NEURL1: variants seen among roughly 807,000 people sequenced by gnomAD.
NEURL1 encodes E3 ubiquitin-protein ligase NEURL1.
Under a neutral mutation model 41.2 loss-of-function variants are expected in NEURL1, and 26 were observed. The observed-to-expected ratio is 0.63, with a 90% CI of 0.46 to 0.87. The LOEUF is 0.87. NEURL1 is among the 40% of genes least tolerant of loss of function. The probability of loss-of-function intolerance (pLI) is 0.00; values close to 1 mark genes in which losing one functional copy is unlikely to be tolerated. For missense variants in NEURL1, 761 were observed against 871.1 expected, an observed-to-expected ratio of 0.87 and a Z score of 1.59; for synonymous variants, 400 against 402.3, an observed-to-expected ratio of 0.99 and a Z score of 0.07.
At position 103,590,375 on chromosome 10, in the gene NEURL1, C is replaced by T. The variant is rs764171711; in HGVS notation, c.*3C>T. On this transcript the variant is annotated 3_prime_UTR_variant, in exon 6 of 6. Transcript: ENST00000369780. ...TCAAGACCTACCGCAGCTCCTAGCC[C>T]GTTGCGGTGGCCCATCCCGCATACC... 1.4e-5 allele frequency: 23 copies of T among 1,609,836 alleles called. No homozygotes were observed. The highest frequency in any genetic ancestry group is 6.7e-5 in the East Asian group (3 of 44,850).
intron 3 of NEURL1, among the ~76,000 whole-genome samples, chr10:103,572,534 G>T (rs1445097195): frequency 1.3e-5 from 2 of 152,260 alleles, no homozygotes; most frequent in Non-Finnish European, 2.9e-5. Context: ...GCCTCGGGAA[G>T]CAGCCTGGCA....
chr10:103,566,621 T>A lies in NEURL1; in HGVS notation c.86-4251T>A, dbSNP rs1192597504. Among the ~76,000 whole-genome samples the A allele has an allele frequency of 6.6e-6, 1 of 152,196 alleles. No homozygotes were observed. Among genetic ancestry groups the A allele is most frequent in the Non-Finnish European group, 1.5e-5 (1 of 68,034 alleles). Reference sequence around the variant, plus strand: ...CCAGCTGAAGGACGTTTGAGTTGTTTCTAGTTCAGGGTTATTATGAATAAA... The same window carrying A: ...CCAGCTGAAGGACGTTTGAGTTGTTACTAGTTCAGGGTTATTATGAATAAA... On this transcript the variant is annotated intron_variant, in intron 1 of 5. Transcript: ENST00000369780. The surrounding 1 kb of genome is among the most constrained non-coding windows in gnomAD (Gnocchi z 4.2).
chr10:103,589,666 T>G lies in NEURL1; in HGVS notation c.1486+6T>G, dbSNP rs2133887834. On this transcript the variant is annotated splice_donor_region_variant and intron_variant, in intron 5 of 5. Transcript: ENST00000369780. Reference sequence around the variant, plus strand: ...TCTGGGTAGCTCTGCTGGTGGTAAGTAGGCTGGCTCCTCTGTTCCTTGGTG... The same window carrying G: ...TCTGGGTAGCTCTGCTGGTGGTAAGGAGGCTGGCTCCTCTGTTCCTTGGTG... 6.2e-7 allele frequency: 1 copy of G among 1,605,978 alleles called. No individual in the cohort carries two copies. The highest frequency in any genetic ancestry group is 2.2e-5 in the East Asian group (1 of 44,702).
intron 1 of NEURL1, among the ~76,000 whole-genome samples, chr10:103,500,769 T>C (rs79268645): frequency 0.037 from 5,666 of 152,314 alleles, 90 homozygotes; most frequent in Non-Finnish European, 0.045. Context: ...GCATCAGCAT[T>C]AGCTGGAAGC....
rs376571098 is a variant in NEURL1 at position 103,588,581 on chromosome 10, T to C, written c.1340-933T>C. 418 of 331,188 alleles carry C rather than the reference T, an allele frequency of 1.3e-3. 1 individual carries two copies. The highest frequency in any genetic ancestry group is 5.2e-3 in the African/African-American group (234 of 45,222). The allele number at this position is 331,188 out of a possible 1,614,324, so 20.5% of individuals were successfully genotyped here. A position where few individuals can be genotyped will look rare whatever the true frequency, so the allele number is the denominator to read the frequency against. ...TGTCTGCACGGGGCCTGATGCCTGG[T>C]AGGTCCTTGGTAAGGATTTGTTGAA... is the stretch of plus-strand genomic sequence containing the variant. On this transcript the variant is annotated intron_variant, in intron 4 of 5. Coordinates refer to ENST00000369780, the MANE Select transcript of NEURL1 (RefSeq NM_004210.5).
chr10:103,573,310 C>T (rs530914413), intron 3 of NEURL1, among the ~76,000 whole-genome samples: 74 of 152,198 alleles, frequency 4.9e-4, no homozygotes, highest in Non-Finnish European at 6.9e-4. Context: ...TGCCTGCAGC[C>T]GGGGGCAGAA....
At chr10:103,498,188 G>A (rs1264819361) in intron 1 of NEURL1, among the ~76,000 whole-genome samples, 2 of 152,200 alleles carry the variant, frequency 1.3e-5, no homozygotes, top group Non-Finnish European at 2.9e-5. Flanking sequence ...TTTCCTCCTT[G>A]CCCAGGTCTT....
chr10:103,586,403 T>C (rs934506483), intron 4 of NEURL1, among the ~76,000 whole-genome samples: 19 of 152,248 alleles, frequency 1.2e-4, no homozygotes, highest in Admixed American at 1.2e-3. Flanking sequence ...GGACCCCCCC[T>C]CCAGAGATTT....
chr10:103,572,707 C>T (rs1277478882), intron 3 of NEURL1, among the ~76,000 whole-genome samples: 1 of 152,230 alleles, frequency 6.6e-6, no homozygotes. Flanking sequence ...CCTGGCTCTC[C>T]TTGTGCACAG....
At chr10:103,552,931 C>A (rs11814364) in intron 1 of NEURL1, among the ~76,000 whole-genome samples, 5,490 of 152,252 alleles carry the variant, frequency 0.036, 316 homozygotes, top group African/African-American at 0.12. Context: ...GGAGGCTTCC[C>A]AGAAGAAGTG....
In NEURL1 at chr10:103,494,284, C is replaced by G; in HGVS notation, c.-104C>G. 4.4e-6 allele frequency: 4 copies of G among 903,384 alleles called. No homozygotes were observed. Among genetic ancestry groups the G allele is most frequent in the Non-Finnish European group, 6.5e-6 (4 of 611,074 alleles). The allele number at this position is 903,384 out of a possible 1,614,324, so 56.0% of individuals were successfully genotyped here. On this transcript the variant is annotated 5_prime_UTR_variant, in exon 1 of 6. Transcript: ENST00000369780. ...CGGCTGCAGCCCCAGCAGGGCCCTC[C>G]CCCGGTGGCGCGCACCCGCGCGCGC...
intron 5 of NEURL1, 28 bp from the exon 6 acceptor site, chr10:103,590,106 C>G (rs1328273174): frequency 6.2e-6 from 10 of 1,607,942 alleles, no homozygotes; most frequent in East Asian, 4.5e-5. Flanking sequence ...GCCATGTCTC[C>G]TCCTGACTGG....
intron 1 of NEURL1, among the ~76,000 whole-genome samples, chr10:103,531,849 A>T (rs1317697465): frequency 6.6e-6 from 1 of 152,060 alleles, no homozygotes; most frequent in African/African-American, 2.4e-5. Context: ...CTAATAATTT[A>T]TGCTTTATAT....
At chr10:103,569,555 C>T (rs2035493995) in intron 1 of NEURL1, among the ~76,000 whole-genome samples, 1 of 152,240 alleles carries the variant, frequency 6.6e-6, no homozygotes, top group African/African-American at 2.4e-5. Context: ...GTGCCACTCT[C>T]TGCCCTTTGC....
intron 1 of NEURL1, among the ~76,000 whole-genome samples, chr10:103,527,598 T>C (rs888725352): frequency 1.3e-5 from 2 of 152,078 alleles, no homozygotes; most frequent in Non-Finnish European, 2.9e-5. Flanking sequence ...CCTGGCCTAT[T>C]GTATCTCGTT....
At chr10:103,534,668 C>T (rs2034653289) in intron 1 of NEURL1, among the ~76,000 whole-genome samples, 1 of 152,118 alleles carries the variant, frequency 6.6e-6, no homozygotes, top group Non-Finnish European at 1.5e-5. Flanking sequence ...GAAGACTTAG[C>T]CAAGGGTATC....
chr10:103,588,942 GA>G (rs35294224), intron 4 of NEURL1: 26,586 of 298,996 alleles, frequency 0.089, 6 homozygotes, highest in South Asian at 0.14. Flanking sequence ...GACTCCGTCT[GA>G]AAAAAAAAAA....
At position 103,584,890 on chromosome 10, in the gene NEURL1, C is replaced by T; in HGVS notation, c.1004C>T (p.Ala335Val). 1 of 1,426,558 alleles carries T rather than the reference C, an allele frequency of 7.0e-7. No homozygotes were observed. The allele number at this position is 1,426,558 out of a possible 1,614,324, so 88.4% of individuals were successfully genotyped here. The change falls in exon 4 of 6, where the codon GCC (alanine) becomes GTC (valine). Residue 335 changes from alanine to valine, a missense_variant. By Grantham distance (64) the Ala-to-Val change is moderately conservative. Coordinates refer to ENST00000369780, the MANE Select transcript of NEURL1 (RefSeq NM_004210.5). ...TTCACCAGCCGGCCCGTGCGCGTGG[C>T]CGAGACCATCTTCGTCAAGGTCACG... is the stretch of plus-strand genomic sequence containing the variant. ...LVFTSRPVRV[A>V]ETIFVKVTRS...
chr10:103,563,258 A>G lies in NEURL1; in HGVS notation c.86-7614A>G, dbSNP rs184263731. 2.3e-3 allele frequency among the ~76,000 whole-genome samples: 357 copies of G among 152,364 alleles called. 1 individual carries two copies. The highest frequency in any genetic ancestry group is 7.9e-3 in the African/African-American group (329 of 41,576). ...AAGTTTGCAAAATTCTTTCACATCT[A>G]TAAACTTACCGGGGCCTCACTACAG... On this transcript the variant is annotated intron_variant, in intron 1 of 5. Transcript: ENST00000369780.
Sources: gnomAD v4.1 joint callset for allele counts (sites outside exome capture counted in the v4.1 genomes callset) on GRCh38, gnomAD v4.1.1 for gene constraint, Gnocchi (gnomAD v3.1) non-coding constraint, MANE v1.5 for transcripts, NCBI Gene and HGNC (gene_info 2026-07-23, HGNC 2026-07-21) for gene names.